PUDP: variants seen among roughly 807,000 people sequenced by gnomAD.
PUDP encodes the protein pseudouridine 5'-phosphatase, also known as pseudouridine-5'-phosphatase.
Under a neutral mutation model 9.4 loss-of-function variants are expected in PUDP, and 8 were observed. The observed-to-expected ratio is 0.85, with a 90% CI of 0.50 to 1.53. The LOEUF (loss-of-function observed/expected upper bound fraction) is 1.53. PUDP is among the 40% of genes most tolerant of loss of function. The pLI is 0.00. For missense variants in PUDP, 188 were observed against 189.7 expected, an observed-to-expected ratio of 0.99 and a Z score of 0.05; for synonymous variants, 99 against 80.7, an observed-to-expected ratio of 1.23 and a Z score of -1.22.
intron 3 of PUDP, among the ~76,000 whole-genome samples, chrX:6,794,609 C>T (rs1249894191): frequency 9.4e-6 from 1 of 106,524 alleles, no homozygotes; most frequent in Non-Finnish European, 1.9e-5. Context: ...CTCACTCTGA[C>T]GCCCAGGCCG....
At chrX:6,806,770 T>A (rs1179665869) in intron 3 of PUDP, among the ~76,000 whole-genome samples, 1 of 112,581 alleles carries the variant, frequency 8.9e-6, no homozygotes. Flanking sequence ...AAGGCTCATG[T>A]TGGAGCAATG....
chrX:6,789,569 G>C (rs1221711179), intron 3 of PUDP, among the ~76,000 whole-genome samples: 2 of 111,261 alleles, frequency 1.8e-5, no homozygotes, highest in Non-Finnish European at 3.8e-5. Context: ...AGTGGAAGCA[G>C]TGAGAGACAG....
chrX:6,732,622 G>C (rs984190200), intron 3 of PUDP, among the ~76,000 whole-genome samples: 2 of 104,586 alleles, frequency 1.9e-5, no homozygotes, highest in East Asian at 3.0e-4. Flanking sequence ...GAGGGAGGGA[G>C]GGAGGAAGAG....
At chrX:6,796,668 T>C (rs917374802) in intron 3 of PUDP, among the ~76,000 whole-genome samples, 1 of 112,236 alleles carries the variant, frequency 8.9e-6, no homozygotes, top group African/African-American at 3.2e-5. Context: ...TATTTGTATA[T>C]GTTTGTAATC....
intron 1 of PUDP, among the ~76,000 whole-genome samples, chrX:6,988,370 TGGAGATGAACTG>T (rs1467177979): frequency 2.7e-5 from 3 of 111,563 alleles, no homozygotes; most frequent in East Asian, 5.6e-4. Context: ...AATAATGAGA[TGGAGATGAACTG>T]GGAGAGAAGA....
chrX:7,030,661 C>G (rs1268087337), intron 1 of PUDP, among the ~76,000 whole-genome samples: 1 of 111,336 alleles, frequency 9.0e-6, no homozygotes, highest in Non-Finnish European at 1.9e-5. Flanking sequence ...CACTGGGTGA[C>G]TCATTTAGTC....
chrX:6,807,424 G>T (rs1391380874), intron 3 of PUDP, among the ~76,000 whole-genome samples: 1 of 111,985 alleles, frequency 8.9e-6, no homozygotes, highest in Non-Finnish European at 1.9e-5. Flanking sequence ...ATTGCTGACC[G>T]CATTATTTGT....
At chrX:6,747,163 T>C (rs1234656225) in intron 3 of PUDP, among the ~76,000 whole-genome samples, 2 of 112,264 alleles carry the variant, frequency 1.8e-5, no homozygotes, top group East Asian at 2.8e-4. Flanking sequence ...TACATACTTT[T>C]GTAAAGGTAT....
chrX:6,933,154 C>T (rs6639716), intron 3 of PUDP, among the ~76,000 whole-genome samples: 1 of 107,197 alleles, frequency 9.3e-6, no homozygotes, highest in East Asian at 3.0e-4. Context: ...TCTGAGAACA[C>T]GCAGACTGCC....
At chrX:7,058,262 T>C (rs778305764) in intron 3 of PUDP, among the ~76,000 whole-genome samples, 14 of 112,366 alleles carry the variant, frequency 1.2e-4, no homozygotes, top group South Asian at 3.7e-4. Context: ...AATATTACTA[T>C]ATCATCTCTA....
At chrX:7,020,609 T>C (rs1163375687) in intron 1 of PUDP, among the ~76,000 whole-genome samples, 1 of 112,215 alleles carries the variant, frequency 8.9e-6, no homozygotes, top group African/African-American at 3.2e-5. Context: ...ACCATCTTTA[T>C]GAAGGCTTAA....
intron 3 of PUDP, among the ~76,000 whole-genome samples, chrX:6,964,004 G>T (rs1170349837): frequency 8.9e-6 from 1 of 112,012 alleles, no homozygotes; most frequent in Non-Finnish European, 1.9e-5. Context: ...AATCACTCAG[G>T]GATAAGTGGC....
intron 3 of PUDP, among the ~76,000 whole-genome samples, chrX:6,879,131 C>T (rs1927308450): frequency 9.0e-6 from 1 of 111,708 alleles, no homozygotes; most frequent in Non-Finnish European, 1.9e-5. Context: ...CCCTCAATCA[C>T]TGGAGAAGTC....
chrX:6,957,567 C>A (rs904554291), intron 3 of PUDP, among the ~76,000 whole-genome samples: 2 of 111,413 alleles, frequency 1.8e-5, no homozygotes, highest in Non-Finnish European at 3.8e-5. Context: ...TATAAATTAT[C>A]CAGGCTGTGG....
intron 1 of PUDP, among the ~76,000 whole-genome samples, chrX:7,120,345 A>T (rs1048112508): frequency 9.0e-6 from 1 of 110,750 alleles, no homozygotes; most frequent in Admixed American, 9.6e-5. Flanking sequence ...GAGAGAAGGT[A>T]TGAAGAGGAG....
chrX:6,763,234 C>G (rs1925248615), intron 3 of PUDP, among the ~76,000 whole-genome samples: 1 of 111,536 alleles, frequency 9.0e-6, no homozygotes, highest in Non-Finnish European at 1.9e-5. Flanking sequence ...ACTAAAATTA[C>G]AAAAATTAGC....
intron 2 of PUDP, among the ~76,000 whole-genome samples, chrX:7,081,008 A>T (rs1355258195): frequency 1.8e-5 from 2 of 111,811 alleles, no homozygotes; most frequent in Non-Finnish European, 3.8e-5. Context: ...TCTGAATTTA[A>T]AACAAGATTT....
At chrX:6,865,883 C>T (rs766002973) in intron 3 of PUDP, among the ~76,000 whole-genome samples, 32 of 109,737 alleles carry the variant, frequency 2.9e-4, no homozygotes, top group Non-Finnish European at 5.5e-4. Flanking sequence ...AAAACAAGTA[C>T]GCACAGCAAT....
intron 3 of PUDP, among the ~76,000 whole-genome samples, chrX:6,915,478 G>A (rs1243568126): frequency 9.0e-6 from 1 of 111,730 alleles, no homozygotes; most frequent in Non-Finnish European, 1.9e-5. Context: ...GAAACAAAGA[G>A]AGGGGAGAGA....
Sources: allele counts gnomAD v4.1 joint callset (sites outside exome capture counted in the v4.1 genomes callset), GRCh38; gene constraint gnomAD v4.1.1; transcripts MANE v1.5; gene names NCBI Gene and HGNC (gene_info 2026-07-23, HGNC 2026-07-21).